PDCD4: variants seen among roughly 807,000 people sequenced by gnomAD.
PDCD4 encodes the protein programmed cell death protein 4.
A neutral mutation model predicts 54.0 loss-of-function variants in PDCD4; 56 were observed. That is an observed-to-expected ratio of 1.04 (90% confidence interval 0.84 to 1.30). The LOEUF is 1.30. Ranked by LOEUF, PDCD4 falls within the 50% of genes most tolerant of loss-of-function variation. The probability of loss-of-function intolerance (pLI) is 0.00; values close to 1 mark genes in which losing one functional copy is unlikely to be tolerated. For missense variants in PDCD4, 584 were observed against 559.8 expected (o/e 1.04, Z -0.44); for synonymous variants, 186 against 194.8 (o/e 0.95, Z 0.37).
chr10:110,876,768 A>G (rs774714713), intron 2 of PDCD4: 3 of 922,104 alleles, frequency 3.3e-6, no homozygotes, highest in Non-Finnish European at 1.6e-6. Flanking sequence ...GTAACTCAAG[A>G]TAATTTAAAA....
rs749098136 is a variant in PDCD4, at chr10:110,885,318, A to C, written c.507A>C (p.Thr169=). Residue 169 remains threonine, a synonymous_variant, in exon 5 of 12, where the codon ACA becomes ACC. Transcript: ENST00000280154. ...AAAGGGCATTTGAGAAGACTTTAAC[A>C]CCAATCATACAGGAATATTTTGAGC... ...LDERAFEKTL[T]PIIQEYFEHG... is the part of the protein sequence containing the mutation. 4 of 1,598,710 alleles carry C rather than the reference A, an allele frequency of 2.5e-6. No individual in the cohort carries two copies. In the African/African-American group the frequency reaches 5.4e-5, roughly 22 times the overall value.
At chr10:110,886,585 G>T (rs1010613221) in intron 5 of PDCD4, among the ~76,000 whole-genome samples, 1 of 152,090 alleles carries the variant, frequency 6.6e-6, no homozygotes, top group East Asian at 1.9e-4. Context: ...TCATTAAAGA[G>T]GAGGGCACTC....
At chr10:110,873,409 T>C (rs1034007682) in intron 1 of PDCD4, among the ~76,000 whole-genome samples, 11 of 152,174 alleles carry the variant, frequency 7.2e-5, no homozygotes, top group African/African-American at 2.7e-4. Flanking sequence ...GCCAGAGCAA[T>C]TTATGAGGTA....
rs1261069819 is a variant in PDCD4, at chr10:110,894,520, A to T, written c.1207A>T (p.Arg403Ter). 7.9e-7 allele frequency: 1 copy of T among 1,267,990 alleles called. No homozygotes were observed. Among genetic ancestry groups the T allele is most frequent in the Non-Finnish European group, 1.1e-6 (1 of 872,054 alleles). 78.5% of individuals were successfully genotyped at this position (1,267,990 alleles called of 1,614,324 possible). Residue 403 changes from arginine to a stop codon, truncating the protein, a stop_gained and splice_region_variant, in exon 10 of 12, where the codon AGA (arginine) becomes TGA (stop). Coordinates refer to ENST00000280154, the MANE Select transcript of PDCD4 (RefSeq NM_014456.5). LOFTEE classifies it high-confidence loss of function. Reference sequence around the variant, plus strand: ...TACCATTACTGTAGACCAAATGAAAAGAGTAAGTATAACATTGTTTTTGAA... The same window carrying T: ...TACCATTACTGTAGACCAAATGAAATGAGTAAGTATAACATTGTTTTTGAA... ...SSTITVDQMK[R>*]GYERIYNEIP...
chr10:110,892,854 A>G (rs1845776533), intron 8 of PDCD4, among the ~76,000 whole-genome samples: 1 of 152,184 alleles, frequency 6.6e-6, no homozygotes, highest in Non-Finnish European at 1.5e-5. Context: ...AGTAACTTCC[A>G]TCCTGAAAGC....
rs1439811981 is a variant in PDCD4, at chr10:110,898,959, A to T, written c.*871A>T. The T allele has an allele frequency of 2.0e-5, 3 of 151,932 alleles. No homozygotes were observed. The highest frequency in any genetic ancestry group is 7.3e-5 in the African/African-American group (3 of 41,324). 9.4% of individuals were successfully genotyped at this position (151,932 alleles called of 1,614,324 possible). ...GCAGGTATCACTTTACTCCATTGTT[A>T]TCTGACCTAGAGCTTAATTAAGTTT... On this transcript the variant is annotated 3_prime_UTR_variant, in exon 12 of 12. Transcript: ENST00000280154.
At chr10:110,888,290 ATG>A (rs763074991) in intron 6 of PDCD4, among the ~76,000 whole-genome samples, 59 of 152,288 alleles carry the variant, frequency 3.9e-4, no homozygotes, top group Admixed American at 1.4e-3. Flanking sequence ...AGCTTTGAAA[ATG>A]TGAAATTGTT....
chr10:110,882,860 GT>G, intron 3 of PDCD4, 142 bp from the exon 4 acceptor site: 1 of 590,914 alleles, frequency 1.7e-6, no homozygotes. Context: ...ACAAAAACCA[GT>G]AGGGGAAGAA....
intron 2 of PDCD4, chr10:110,876,869 T>C (rs1345781943): frequency 2.5e-6 from 1 of 393,008 alleles, no homozygotes; most frequent in East Asian, 3.7e-5. Context: ...TGGTATACTT[T>C]GGATAATTCT....
chr10:110,885,830 A>G (rs1251780742), intron 5 of PDCD4, among the ~76,000 whole-genome samples: 1 of 152,072 alleles, frequency 6.6e-6, no homozygotes, highest in East Asian at 1.9e-4. Flanking sequence ...AAACCCCACA[A>G]ATAATAAAGA....
At chr10:110,897,959 ATTTT>A in intron 11 of PDCD4, 65 bp from the exon 12 acceptor site, 1 of 1,139,182 alleles carries the variant, frequency 8.8e-7, no homozygotes, top group Non-Finnish European at 1.2e-6. Context: ...CAAGTTTTTA[ATTTT>A]TTTATATATT....
At chr10:110,882,234 A>G (rs1845603053) in intron 3 of PDCD4, among the ~76,000 whole-genome samples, 1 of 152,238 alleles carries the variant, frequency 6.6e-6, no homozygotes, top group South Asian at 2.1e-4. Context: ...TGGTTGTCAG[A>G]TTCTGTTTTG....
chr10:110,892,209 A>T (rs914436090), intron 8 of PDCD4, among the ~76,000 whole-genome samples: 2 of 152,214 alleles, frequency 1.3e-5, no homozygotes, highest in African/African-American at 4.8e-5. Flanking sequence ...ATTAAGGAAG[A>T]CCTAAATAAA....
At chr10:110,895,531 G>A (rs1328427807) in intron 10 of PDCD4, among the ~76,000 whole-genome samples, 20 of 152,040 alleles carry the variant, frequency 1.3e-4, no homozygotes. Context: ...AATAGTACCC[G>A]ATAAATATAC....
chr10:110,880,341 A>T (rs1845571646), intron 2 of PDCD4: 1 of 152,230 alleles, frequency 6.6e-6, no homozygotes, highest in South Asian at 2.1e-4. Flanking sequence ...GGGAAGTTTT[A>T]ATGCAGGGAG....
At chr10:110,895,859 A>G (rs1845823310) in intron 10 of PDCD4, 89 bp from the exon 11 acceptor site, 1 of 965,014 alleles carries the variant, frequency 1.0e-6, no homozygotes, top group Non-Finnish European at 1.5e-6. Context: ...TTGGCCTTAA[A>G]TACAAATTGA....
At chr10:110,872,585 C>G (rs1845432230) in intron 1 of PDCD4, among the ~76,000 whole-genome samples, 1 of 152,228 alleles carries the variant, frequency 6.6e-6, no homozygotes, top group Non-Finnish European at 1.5e-5. Flanking sequence ...GGGGTCCTAG[C>G]CTGAGCCCGC....
intron 1 of PDCD4, among the ~76,000 whole-genome samples, chr10:110,875,480 G>A (rs1180018547): frequency 7.9e-5 from 12 of 152,202 alleles, no homozygotes; most frequent in Middle Eastern, 3.4e-3. Flanking sequence ...CAGATATGCC[G>A]TAATGTGAAA....
chr10:110,892,355 C>G (rs1845769441), intron 8 of PDCD4, among the ~76,000 whole-genome samples: 1 of 151,856 alleles, frequency 6.6e-6, no homozygotes, highest in Non-Finnish European at 1.5e-5. Flanking sequence ...AGAAAATTGA[C>G]AAGATAAAAA....
Sources: allele counts gnomAD v4.1 joint callset (sites outside exome capture counted in the v4.1 genomes callset), GRCh38; gene constraint gnomAD v4.1.1; transcripts MANE v1.5; gene names NCBI Gene and HGNC (gene_info 2026-07-23, HGNC 2026-07-21).